The following TCP11L2 variants were observed in gnomAD, a reference collection of about 807,000 sequenced individuals.
TCP11L2 encodes T-complex protein 11-like protein 2.
A neutral mutation model predicts 50.7 loss-of-function variants in TCP11L2; 39 were observed. The observed-to-expected ratio is 0.77, with a 90% CI of 0.60 to 1.01. TCP11L2 has a LOEUF of 1.01. TCP11L2 is among the 50% of genes least tolerant of loss of function. TCP11L2 has a pLI of 0.00. For missense variants in TCP11L2, 612 were observed against 614.7 expected, an observed-to-expected ratio of 1.00 and a Z score of 0.05; for synonymous variants, 192 against 219.3, an observed-to-expected ratio of 0.88 and a Z score of 1.10.
At chr12:106,326,342 G>A (rs1039716693) in intron 6 of TCP11L2, among the ~76,000 whole-genome samples, 2 of 152,104 alleles carry the variant, frequency 1.3e-5, no homozygotes, top group African/African-American at 4.8e-5. Flanking sequence ...ACTCAGGTGG[G>A]CCATGGCCCC....
intron 1 of TCP11L2, among the ~76,000 whole-genome samples, chr12:106,309,668 GT>G (rs2034772632): frequency 6.6e-6 from 1 of 150,992 alleles, no homozygotes; most frequent in Non-Finnish European, 1.5e-5. Flanking sequence ...CCTTTCTTGT[GT>G]TTTCTCAACA....
chr12:106,322,005 A>C (rs1196729770), intron 5 of TCP11L2, among the ~76,000 whole-genome samples: 5 of 152,202 alleles, frequency 3.3e-5, no homozygotes, highest in African/African-American at 1.2e-4. Context: ...TTGAACAATT[A>C]ATTACAATTG....
intron 8 of TCP11L2, among the ~76,000 whole-genome samples, chr12:106,337,530 CTTTTA>C (rs755948982): frequency 2.0e-5 from 3 of 152,180 alleles, no homozygotes; most frequent in Non-Finnish European, 4.4e-5. Context: ...TTTCCAGAAA[CTTTTA>C]TTTATTAAGC....
chr12:106,298,116 T>A (rs1303185756), upstream of TCP11L2, among the ~76,000 whole-genome samples: 1 of 152,246 alleles, frequency 6.6e-6, no homozygotes. Context: ...ATTTTTTTAC[T>A]AATTCAGTTC....
chr12:106,299,769 C>T (rs987449822), upstream of TCP11L2, among the ~76,000 whole-genome samples: 8 of 152,108 alleles, frequency 5.3e-5, no homozygotes, highest in Non-Finnish European at 7.3e-5. Context: ...AGATGAGTCC[C>T]GTATAGCTAA....
chr12:106,322,849 A>G (rs1200856921), intron 5 of TCP11L2, among the ~76,000 whole-genome samples: 3 of 152,164 alleles, frequency 2.0e-5, no homozygotes, highest in African/African-American at 4.8e-5. Context: ...TTCCTCAGTT[A>G]TAGGATCCTT....
At chr12:106,331,619 A>C (rs563822304) in intron 6 of TCP11L2, among the ~76,000 whole-genome samples, 1 of 152,334 alleles carries the variant, frequency 6.6e-6, no homozygotes, top group Non-Finnish European at 1.5e-5. Context: ...TTGAATCTTT[A>C]CCACAGCTTC....
intron 5 of TCP11L2, among the ~76,000 whole-genome samples, chr12:106,322,492 T>G (rs1255386243): frequency 6.6e-6 from 1 of 152,182 alleles, no homozygotes; most frequent in Non-Finnish European, 1.5e-5. Context: ...CCTTTAGTGG[T>G]CAGCCAGCCA....
chr12:106,343,008 A>C lies in TCP11L2; in HGVS notation c.1315+2010A>C, dbSNP rs2036133253. 2.0e-5 allele frequency among the ~76,000 whole-genome samples: 3 copies of C among 152,244 alleles called. No individual in the cohort carries two copies. In the South Asian group the frequency reaches 6.2e-4, roughly 31 times the overall value. On this transcript the variant is annotated intron_variant, in intron 9 of 9. Coordinates refer to ENST00000299045, the MANE Select transcript of TCP11L2 (RefSeq NM_152772.3). The stretch of plus-strand genomic sequence containing the variant: ...CAGTCCAACTTTCCTGTCCTTTTGC[A>C]AATTGAAAGCATTTTTAATCTCATT...
chr12:106,319,118 A>G (rs890194471), intron 4 of TCP11L2, among the ~76,000 whole-genome samples: 13 of 152,064 alleles, frequency 8.5e-5, no homozygotes, highest in South Asian at 2.1e-4. Context: ...TCACCTTGTT[A>G]GCCAGGATGG....
At chr12:106,317,889 G>A (rs1368422193) in intron 3 of TCP11L2, among the ~76,000 whole-genome samples, 1 of 152,174 alleles carries the variant, frequency 6.6e-6, no homozygotes, top group Non-Finnish European at 1.5e-5. Flanking sequence ...CTTTAAATGG[G>A]ACACCTAAGT....
At chr12:106,298,290 C>T (rs896480732), upstream of TCP11L2, among the ~76,000 whole-genome samples, 1 of 151,740 alleles carries the variant, frequency 6.6e-6, no homozygotes, top group Non-Finnish European at 1.5e-5. Flanking sequence ...TTTTAATAGA[C>T]CTTATTTTTA....
chr12:106,317,775 A>T (rs184255599), intron 3 of TCP11L2, among the ~76,000 whole-genome samples: 92 of 152,314 alleles, frequency 6.0e-4, no homozygotes, highest in Middle Eastern at 6.8e-3. Context: ...TTTAACGTGC[A>T]CCTATTTTAA....
intron 6 of TCP11L2, chr12:106,325,720 C>G (rs1592958034): frequency 6.6e-6 from 1 of 152,018 alleles, no homozygotes; most frequent in East Asian, 1.9e-4. Context: ...TGCTGAAACC[C>G]CTTCTCTACT....
Position 106,314,383 on chromosome 12 carries a change from A to G in TCP11L2, c.183A>G (p.Thr61=), listed in dbSNP as rs1565841387. ...PASTSPPRVV[T]FDEVMATARN... is the part of the protein sequence containing the mutation. ...CAACAAGCCCTCCAAGGGTTGTAAC[A>G]TTTGATGAAGTGATGGCTACAGCAA... The change falls in exon 3 of 10, where the codon ACA becomes ACG. Residue 61 remains threonine (T), a synonymous_variant. Transcript: ENST00000299045. 1 of 1,612,366 alleles carries G rather than the reference A, an allele frequency of 6.2e-7. No individual in the cohort carries two copies. Among genetic ancestry groups the G allele is most frequent in the East Asian group, 2.2e-5 (1 of 44,808 alleles).
chr12:106,300,932 T>C (rs942513807), upstream of TCP11L2, among the ~76,000 whole-genome samples: 4 of 152,202 alleles, frequency 2.6e-5, no homozygotes, highest in African/African-American at 9.7e-5. Context: ...CTCCAACTTA[T>C]GTCATAGCTC....
intron 8 of TCP11L2, 61 bp from the exon 9 acceptor site, chr12:106,340,765 A>G (rs2036069580): frequency 7.0e-7 from 1 of 1,425,240 alleles, no homozygotes; most frequent in African/African-American, 1.4e-5. Flanking sequence ...TCTGTATATT[A>G]AAAATAATAA....
At chr12:106,313,057 C>T (rs1171586645) in intron 2 of TCP11L2, among the ~76,000 whole-genome samples, 2 of 152,122 alleles carry the variant, frequency 1.3e-5, no homozygotes, top group Admixed American at 6.5e-5. Flanking sequence ...TTTACTATTT[C>T]CTACTGAGAA....
At chr12:106,333,771 A>G (rs546276992) in intron 6 of TCP11L2, among the ~76,000 whole-genome samples, 1 of 152,314 alleles carries the variant, frequency 6.6e-6, no homozygotes, top group South Asian at 2.1e-4. Flanking sequence ...GAATCTCAAG[A>G]CTGTACATAT....
Sources: gnomAD v4.1 joint callset for allele counts (sites outside exome capture counted in the v4.1 genomes callset) on GRCh38, gnomAD v4.1.1 for gene constraint, MANE v1.5 for transcripts, NCBI Gene and HGNC (gene_info 2026-07-23, HGNC 2026-07-21) for gene names.